Variants in FUT8 observed in about 807,000 individuals in gnomAD.
FUT8 encodes the protein alpha-(1,6)-fucosyltransferase.
A neutral mutation model predicts 71.3 loss-of-function variants in FUT8; 29 were observed. That is an observed-to-expected ratio of 0.41 (90% CI 0.30 to 0.55). The LOEUF (loss-of-function observed/expected upper bound fraction) is 0.55. Ranked by LOEUF, FUT8 falls within the 20% of genes least tolerant of loss-of-function variation. FUT8 has a pLI of 0.34. For synonymous variants in FUT8, 254 were observed against 239.3 expected (o/e 1.06, Z -0.57); for missense variants, 544 against 702.1 (o/e 0.77, Z 2.55).
At position 65,627,433 on chromosome 14, in the gene FUT8, G is replaced by T. The variant is rs890456724; in HGVS notation, c.483-2059G>T. Among the ~76,000 whole-genome samples the T allele has an allele frequency of 2.6e-5, 4 of 152,200 alleles. No homozygotes were observed. Among genetic ancestry groups the T allele is most frequent in the Non-Finnish European group, 5.9e-5 (4 of 68,042 alleles). ...TAGAGCAGGAATGAAAGGAAGTAAA[G>T]TACACTTGTAAGAGGCCAAGCGGGC... On this transcript the variant is annotated intron_variant, in intron 5 of 10. Coordinates refer to ENST00000673929, the MANE Select transcript of FUT8 (RefSeq NM_001371533.1). The surrounding 1 kb of genome is among the most constrained non-coding windows in gnomAD (Gnocchi z 4.0).
chr14:65,498,417 T>A (rs1165058462), intron 2 of FUT8, among the ~76,000 whole-genome samples: 1 of 152,220 alleles, frequency 6.6e-6, no homozygotes, highest in Non-Finnish European at 1.5e-5. Context: ...TAAGTAACTG[T>A]ATTTTTAATA....
rs61112886 is a variant in FUT8 at position 65,610,391 on chromosome 14, CT to C, written c.204-5572del. 3.9e-3 allele frequency among the ~76,000 whole-genome samples: 546 copies of C among 140,482 alleles called. 1 individual carries two copies. The highest frequency in any genetic ancestry group is 0.011 in the Middle Eastern group (3 of 274). The allele number at this position is 140,482 out of a possible 152,430, so 92.2% of individuals were successfully genotyped here. A position where few individuals can be genotyped will look rare whatever the true frequency, so the allele number is the denominator to read the frequency against. On this transcript the variant is annotated intron_variant, in intron 3 of 10. Transcript: ENST00000673929. ...TCCTTAATTTCCTAGTTTCTGACAC[CT>C]TTTTTTTTTTTTTTGAAACAAAGTT...
intron 2 of FUT8, among the ~76,000 whole-genome samples, chr14:65,508,409 G>T (rs1317727238): frequency 1.7e-5 from 2 of 114,426 alleles, no homozygotes; most frequent in Non-Finnish European, 3.7e-5. Flanking sequence ...TTGTATGTCT[G>T]TTTTTTTTTT....
At chr14:65,684,409 C>T (rs559478858) in intron 7 of FUT8, among the ~76,000 whole-genome samples, 2 of 152,274 alleles carry the variant, frequency 1.3e-5, no homozygotes, top group South Asian at 4.1e-4. Context: ...AGGAATTCTT[C>T]TCAAAAGATT....
intron 3 of FUT8, among the ~76,000 whole-genome samples, chr14:65,596,350 C>T (rs902663768): frequency 6.6e-6 from 1 of 152,150 alleles, no homozygotes; most frequent in Non-Finnish European, 1.5e-5. Context: ...ATTAAACATA[C>T]TTATTAATCA....
At chr14:65,509,679 T>G (rs1446468157) in intron 2 of FUT8, among the ~76,000 whole-genome samples, 5 of 152,154 alleles carry the variant, frequency 3.3e-5, no homozygotes, top group Non-Finnish European at 5.9e-5. Context: ...TTTATTTTGG[T>G]GGCTATTGTA....
intron 1 of FUT8, among the ~76,000 whole-genome samples, chr14:65,449,855 A>G (rs1595391533): frequency 6.6e-6 from 1 of 152,242 alleles, no homozygotes; most frequent in Non-Finnish European, 1.5e-5. Flanking sequence ...CATCAGTGTT[A>G]CAAGACTCAG....
intron 2 of FUT8, among the ~76,000 whole-genome samples, chr14:65,559,073 T>C (rs1256626775): frequency 6.6e-6 from 1 of 152,184 alleles, no homozygotes; most frequent in African/African-American, 2.4e-5. Flanking sequence ...AAACTTTTGT[T>C]ACTATTCAAG....
chr14:65,429,861 CAAAAA>C (rs58941594), intron 1 of FUT8, among the ~76,000 whole-genome samples: 5 of 81,002 alleles, frequency 6.2e-5, no homozygotes, highest in Non-Finnish European at 9.1e-5. Context: ...GAGACTGTCT[CAAAAA>C]AAAAAAAAAA....
intron 7 of FUT8, among the ~76,000 whole-genome samples, chr14:65,714,463 A>G (rs1054430061): frequency 3.4e-5 from 5 of 147,794 alleles, no homozygotes; most frequent in Non-Finnish European, 7.5e-5. Context: ...TTATTTATTT[A>G]GTAGCCACAG....
intron 1 of FUT8, among the ~76,000 whole-genome samples, chr14:65,419,896 C>T (rs1370205085): frequency 6.6e-6 from 1 of 152,168 alleles, no homozygotes; most frequent in Non-Finnish European, 1.5e-5. Flanking sequence ...ATCCAGCCCT[C>T]TATCAACTAA....
chr14:65,481,857 A>G (rs182426455), intron 2 of FUT8, among the ~76,000 whole-genome samples: 1 of 152,210 alleles, frequency 6.6e-6, no homozygotes, highest in Non-Finnish European at 1.5e-5. Flanking sequence ...AGAGCGGTTT[A>G]TATTCTTGAT....
At chr14:65,492,771 A>C (rs2066501028) in intron 2 of FUT8, among the ~76,000 whole-genome samples, 1 of 152,196 alleles carries the variant, frequency 6.6e-6, no homozygotes, top group Admixed American at 6.6e-5. Flanking sequence ...ACAGAATATG[A>C]AAAGGGTAAT....
intron 5 of FUT8, among the ~76,000 whole-genome samples, chr14:65,618,133 C>G (rs1174620001): frequency 1.3e-5 from 2 of 148,718 alleles, no homozygotes; most frequent in Non-Finnish European, 3.0e-5. Context: ...AACTCCTGGT[C>G]TCCAGTGATC....
the FUT8 span, among the ~76,000 whole-genome samples, chr14:65,368,899 A>G: frequency 6.6e-6 from 1 of 152,084 alleles, no homozygotes; most frequent in African/African-American, 2.4e-5. Context: ...ACCTCAGGCA[A>G]TCCACCCGCC....
At chr14:65,367,207 C>T in the FUT8 span, among the ~76,000 whole-genome samples, 1 of 152,028 alleles carries the variant, frequency 6.6e-6, no homozygotes, top group Non-Finnish European at 1.5e-5. Flanking sequence ...GACCATTTTG[C>T]CTTGGGGGAG....
intron 6 of FUT8, among the ~76,000 whole-genome samples, chr14:65,641,532 G>A (rs566935445): frequency 1.3e-5 from 2 of 152,170 alleles, no homozygotes; most frequent in Non-Finnish European, 2.9e-5. Context: ...ATACCTAGGA[G>A]TGGAATGGCT....
At chr14:65,685,192 C>T (rs982112401) in intron 7 of FUT8, among the ~76,000 whole-genome samples, 1 of 152,056 alleles carries the variant, frequency 6.6e-6, no homozygotes, top group Admixed American at 6.5e-5. Flanking sequence ...AGTCTTTTAT[C>T]AATGGAGTAT....
intron 3 of FUT8, among the ~76,000 whole-genome samples, chr14:65,583,721 G>C (rs1482650036): frequency 2.6e-5 from 4 of 151,458 alleles, no homozygotes; most frequent in African/African-American, 9.7e-5. Flanking sequence ...TGATTTTAAT[G>C]ATTAATTAGA....
Sources: allele counts gnomAD v4.1 joint callset (sites outside exome capture counted in the v4.1 genomes callset), GRCh38; gene constraint gnomAD v4.1.1; non-coding constraint Gnocchi (gnomAD v3.1); transcripts MANE v1.5; gene names NCBI Gene and HGNC (gene_info 2026-07-23, HGNC 2026-07-21).